Variants in ATRNL1 observed in about 807,000 individuals in gnomAD.
ATRNL1 encodes the protein attractin like 1.
In ATRNL1, 95 loss-of-function variants were observed where a neutral mutation model predicts 182.7. The ratio of observed to expected loss-of-function variants is 0.52; its 90% CI spans 0.44 to 0.62. ATRNL1 has a LOEUF of 0.62. ATRNL1 is among the 20% of genes least tolerant of loss of function. The pLI is 0.00. For synonymous variants in ATRNL1, 576 were observed against 568.3 expected (o/e 1.01, Z -0.19); for missense variants, 1,471 against 1,679.5 (o/e 0.88, Z 2.17).
chr10:115,238,952 G>C (rs1554902153), intron 9 of ATRNL1, among the ~76,000 whole-genome samples: 1 of 151,956 alleles, frequency 6.6e-6, no homozygotes, highest in Non-Finnish European at 1.5e-5. Flanking sequence ...GTTGGATTTT[G>C]TCAATGCTTT....
intron 25 of ATRNL1, among the ~76,000 whole-genome samples, chr10:115,536,300 C>G (rs970378602): frequency 4.6e-5 from 7 of 152,218 alleles, no homozygotes; most frequent in South Asian, 2.1e-4. Flanking sequence ...TTTACCTAAG[C>G]AAGCCTGGGC....
chr10:115,554,682 T>A (rs2769379), intron 26 of ATRNL1, among the ~76,000 whole-genome samples: 44,223 of 151,444 alleles, frequency 0.29, 7,647 homozygotes, highest in East Asian at 0.68. Flanking sequence ...TATTGTGATG[T>A]CATGCATAGG....
rs2615875 is a variant in ATRNL1, at chr10:115,905,889, T to C, written c.4019-38769T>C. Among the ~76,000 whole-genome samples, 1,455 of 152,312 alleles carry C rather than the reference T, an allele frequency of 9.6e-3. 12 individuals carry two copies. Among genetic ancestry groups the C allele is most frequent in the Non-Finnish European group, 0.015 (1,054 of 68,016 alleles). On this transcript the variant is annotated intron_variant, in intron 28 of 28. Coordinates refer to ENST00000355044, the MANE Select transcript of ATRNL1 (RefSeq NM_207303.4). ...ATGAAAAGAACTTAAGAGAAGTTAA[T>C]TCCTCCTCATGTCATTCAAGCTTCT...
intron 26 of ATRNL1, among the ~76,000 whole-genome samples, chr10:115,677,608 G>A (rs570164572): frequency 1.8e-4 from 28 of 152,046 alleles, no homozygotes; most frequent in Admixed American, 4.6e-4. Flanking sequence ...TTTTGCTGCC[G>A]CCATGTAAGA....
chr10:115,198,719 C>T (rs944478965), intron 8 of ATRNL1, among the ~76,000 whole-genome samples: 1 of 152,026 alleles, frequency 6.6e-6, no homozygotes, highest in Non-Finnish European at 1.5e-5. Context: ...TATTCTTCTG[C>T]ATGTGGATAT....
intron 28 of ATRNL1, among the ~76,000 whole-genome samples, chr10:115,864,069 G>A (rs1951377511): frequency 1.3e-5 from 2 of 152,086 alleles, no homozygotes. Context: ...GACCAGCCCG[G>A]TCAATATGAT....
At chr10:115,372,449 T>C (rs1857448517) in intron 19 of ATRNL1, among the ~76,000 whole-genome samples, 1 of 152,218 alleles carries the variant, frequency 6.6e-6, no homozygotes, top group African/African-American at 2.4e-5. Flanking sequence ...GTTCAAAATA[T>C]TTTTGCCAAG....
intron 19 of ATRNL1, among the ~76,000 whole-genome samples, chr10:115,374,964 T>G (rs530940125): frequency 6.6e-6 from 1 of 151,872 alleles, no homozygotes; most frequent in African/African-American, 2.4e-5. Context: ...AATGGAATGT[T>G]TTTTATATGT....
chr10:115,834,033 C>A (rs1397209612), intron 27 of ATRNL1, among the ~76,000 whole-genome samples: 2 of 139,426 alleles, frequency 1.4e-5, no homozygotes, highest in African/African-American at 6.7e-5. Context: ...GAGCACTTCA[C>A]TGCTATACCT....
At chr10:115,487,766 G>A (rs1305922988) in intron 24 of ATRNL1, among the ~76,000 whole-genome samples, 1 of 152,104 alleles carries the variant, frequency 6.6e-6, no homozygotes, top group Non-Finnish European at 1.5e-5. Context: ...CCAATACTAT[G>A]TTGAATAGGA....
At chr10:115,235,223 A>G (rs1318180790) in intron 9 of ATRNL1, among the ~76,000 whole-genome samples, 1 of 152,066 alleles carries the variant, frequency 6.6e-6, no homozygotes, top group Non-Finnish European at 1.5e-5. Context: ...TTGTGAAAAA[A>G]CCTTTTTTAT....
intron 21 of ATRNL1, among the ~76,000 whole-genome samples, chr10:115,438,571 T>C (rs1001537700): frequency 2.0e-5 from 3 of 152,032 alleles, no homozygotes; most frequent in African/African-American, 7.2e-5. Flanking sequence ...TTTATATATT[T>C]TTGCTTAAAC....
chr10:115,704,105 A>G (rs889623539), intron 26 of ATRNL1, among the ~76,000 whole-genome samples: 1 of 152,016 alleles, frequency 6.6e-6, no homozygotes, highest in Admixed American at 6.6e-5. Flanking sequence ...ATAGGAGAAT[A>G]TTTGAGACAA....
chr10:115,705,822 G>A (rs1000531126), intron 26 of ATRNL1, among the ~76,000 whole-genome samples: 22 of 151,854 alleles, frequency 1.4e-4, no homozygotes, highest in South Asian at 2.1e-4. Flanking sequence ...ATTTTTGTGC[G>A]TTGTGTTTGG....
At chr10:115,613,782 T>G (rs2133784518) in intron 26 of ATRNL1, among the ~76,000 whole-genome samples, 1 of 152,192 alleles carries the variant, frequency 6.6e-6, no homozygotes, top group South Asian at 2.1e-4. Flanking sequence ...TTATTCATTT[T>G]CTTGAGGTTT....
At chr10:115,626,302 A>G (rs1486869782) in intron 26 of ATRNL1, among the ~76,000 whole-genome samples, 1 of 152,202 alleles carries the variant, frequency 6.6e-6, no homozygotes, top group African/African-American at 2.4e-5. Context: ...AGGAATAATT[A>G]TACTTTATTA....
intron 27 of ATRNL1, among the ~76,000 whole-genome samples, chr10:115,809,033 G>A (rs572749703): frequency 6.6e-6 from 1 of 152,036 alleles, no homozygotes; most frequent in East Asian, 1.9e-4. Flanking sequence ...TCTTAATGTT[G>A]TATGTGATAA....
At chr10:115,305,271 TGAA>T (rs1853670134) in intron 17 of ATRNL1, among the ~76,000 whole-genome samples, 1 of 152,174 alleles carries the variant, frequency 6.6e-6, no homozygotes, top group Admixed American at 6.5e-5. Context: ...CACTGTTACT[TGAA>T]GAGCTAAGGC....
At chr10:115,568,599 T>A (rs1031336894) in intron 26 of ATRNL1, among the ~76,000 whole-genome samples, 2 of 152,052 alleles carry the variant, frequency 1.3e-5, no homozygotes, top group South Asian at 2.1e-4. Context: ...TTGGAAAAAA[T>A]TCAGCTTTTG....
Sources: gnomAD v4.1 joint callset for allele counts (sites outside exome capture counted in the v4.1 genomes callset) on GRCh38, gnomAD v4.1.1 for gene constraint, MANE v1.5 for transcripts, NCBI Gene and HGNC (gene_info 2026-07-23, HGNC 2026-07-21) for gene names.